TMEM91: variants seen among roughly 807,000 people sequenced by gnomAD.
The protein encoded by TMEM91 is dispanin subfamily C member 3.
Under a neutral mutation model 13.3 loss-of-function variants are expected in TMEM91, and 6 were observed. The observed-to-expected ratio is 0.45, with a 90% CI of 0.25 to 0.89. The LOEUF is 0.89. Among genes scored for constraint, TMEM91 ranks in the 40% least tolerant of loss-of-function variants. TMEM91 has a pLI of 0.19. For synonymous variants in TMEM91, 87 were observed against 101.7 expected (o/e 0.86, Z 0.87); for missense variants, 193 against 228.7 (o/e 0.84, Z 1.01).
chr19:41,376,674 G>A lies in TMEM91; in HGVS notation c.-210G>A, dbSNP rs894172119. ...GGATCCCTCGCCGGACGCCGCGGAG[G>A]GACAGAGCCTGGGAAGCCGTCGCCC... On this transcript the variant is annotated 5_prime_UTR_variant, in exon 1 of 4. Coordinates refer to ENST00000392002, the MANE Select transcript of TMEM91 (RefSeq NM_001098821.2). 6.6e-6 allele frequency: 1 copy of A among 152,212 alleles called. No homozygotes were observed. Among genetic ancestry groups the A allele is most frequent in the African/African-American group, 2.4e-5 (1 of 41,448 alleles). The allele number at this position is 152,212 out of a possible 1,614,324, so 9.4% of individuals were successfully genotyped here.
At chr19:41,365,707 G>GTTTTT (rs3061204) in intron 1 of TMEM91, among the ~76,000 whole-genome samples, 1 of 69,664 alleles carries the variant, frequency 1.4e-5, no homozygotes, top group Non-Finnish European at 2.6e-5. Flanking sequence ...GACCGGCCGG[G>GTTTTT]TTTTTTTTTT....
At chr19:41,383,236 T>C (rs967955387) in intron 3 of TMEM91, 14 of 416,074 alleles carry the variant, frequency 3.4e-5, no homozygotes, top group Non-Finnish European at 4.6e-5. Flanking sequence ...GAATTTTTAA[T>C]AAAGACGGGG....
chr19:41,364,839 C>G (rs542158346), intron 1 of TMEM91, among the ~76,000 whole-genome samples: 2 of 151,918 alleles, frequency 1.3e-5, no homozygotes, highest in South Asian at 4.2e-4. Context: ...GGATGCCATC[C>G]TAGATGCCAT....
Position 41,378,406 on chromosome 19 carries a change from T to C in TMEM91, c.97T>C (p.Ser33Pro), listed in dbSNP as rs1374888927. Residue 33 changes from serine (S) to proline (P), a missense_variant, in exon 2 of 4, where the codon TCC (serine) becomes CCC (proline). By Grantham distance (74) the Ser-to-Pro change is moderately conservative. Coordinates refer to ENST00000392002, the MANE Select transcript of TMEM91 (RefSeq NM_001098821.2). Reference protein sequence around the residue: ...AQKPGRHELGSPLREIAFAES... With the variant: ...AQKPGRHELGPPLREIAFAES... Reference sequence around the variant, plus strand: ...GAAGCCTGGCAGGCATGAGCTGGGGTCCCCCTTAAGAGAGATAGCCTTTGC... The same window carrying C: ...GAAGCCTGGCAGGCATGAGCTGGGGCCCCCCTTAAGAGAGATAGCCTTTGC... 1 of 1,614,008 alleles carries C rather than the reference T, an allele frequency of 6.2e-7. No individual in the cohort carries two copies. Among genetic ancestry groups the C allele is most frequent in the Non-Finnish European group, 8.5e-7 (1 of 1,179,992 alleles).
At chr19:41,365,991 A>T (rs1258841969) in intron 1 of TMEM91, among the ~76,000 whole-genome samples, 1 of 150,748 alleles carries the variant, frequency 6.6e-6, no homozygotes, top group Non-Finnish European at 1.5e-5. Flanking sequence ...GATTACAGGC[A>T]TGAGCCACCT....
upstream of TMEM91, among the ~76,000 whole-genome samples, chr19:41,373,526 A>G (rs1157228252): frequency 1.3e-5 from 2 of 148,542 alleles, no homozygotes; most frequent in African/African-American, 5.0e-5. Context: ...ACGAGATCAA[A>G]TCTCAGCCCT....
intron 1 of TMEM91, among the ~76,000 whole-genome samples, chr19:41,367,402 G>A (rs2038545394): frequency 6.6e-6 from 1 of 152,122 alleles, no homozygotes. Context: ...GGAGGTTGAG[G>A]CGGGCAAATC....
At chr19:41,381,948 C>T (rs2038897695) in intron 2 of TMEM91, among the ~76,000 whole-genome samples, 1 of 152,110 alleles carries the variant, frequency 6.6e-6, no homozygotes, top group Non-Finnish European at 1.5e-5. Flanking sequence ...TCACTGCAAC[C>T]TCCACATCCT....
In TMEM91 at chr19:41,377,939, G is replaced by A. The variant is rs1403838518; in HGVS notation, c.-29-342G>A. Among the ~76,000 whole-genome samples, 12 of 151,466 alleles carry A rather than the reference G, an allele frequency of 7.9e-5. 1 individual carries two copies. The highest frequency in any genetic ancestry group is 6.8e-3 in the Middle Eastern group (2 of 294). ...GGCTGAGGCAGAATGGTTTGAACCC[G>A]GGAGGTGGAGGCTGCAGTGTGCTGA... On this transcript the variant is annotated intron_variant, in intron 1 of 3. Coordinates refer to ENST00000392002, the MANE Select transcript of TMEM91 (RefSeq NM_001098821.2).
At chr19:41,382,688 T>C (rs376494703) in intron 2 of TMEM91, 84 bp from the exon 3 acceptor site, 3 of 1,520,226 alleles carry the variant, frequency 2.0e-6, no homozygotes, top group Non-Finnish European at 2.7e-6. Context: ...GGGCAGGTAT[T>C]GGCCTTTGAG....
chr19:41,383,154 A>G, intron 3 of TMEM91: 1 of 566,754 alleles, frequency 1.8e-6, no homozygotes, highest in East Asian at 3.1e-5. Context: ...CTTGGGTTCA[A>G]GTGATTCTCC....
At chr19:41,377,908 T>G (rs1238358969) in intron 1 of TMEM91, among the ~76,000 whole-genome samples, 1 of 151,346 alleles carries the variant, frequency 6.6e-6, no homozygotes, top group East Asian at 1.9e-4. Flanking sequence ...TCCCAGCTAC[T>G]CGGGAGGCTG....
At chr19:41,378,794 C>T (rs889953245) in intron 2 of TMEM91, among the ~76,000 whole-genome samples, 3 of 150,196 alleles carry the variant, frequency 2.0e-5, no homozygotes, top group Admixed American at 1.3e-4. Context: ...TTTTGTCCAC[C>T]CTGCTGTCTC....
At chr19:41,373,218 G>A (rs1395270202), upstream of TMEM91, among the ~76,000 whole-genome samples, 1 of 152,124 alleles carries the variant, frequency 6.6e-6, no homozygotes, top group Non-Finnish European at 1.5e-5. Flanking sequence ...GGGATTACAG[G>A]CTTGAGCCAC....
At chr19:41,370,153 A>C (rs747751448) in intron 1 of TMEM91, among the ~76,000 whole-genome samples, 3 of 151,450 alleles carry the variant, frequency 2.0e-5, no homozygotes, top group Admixed American at 2.0e-4. Context: ...TCTCAGCTCA[A>C]CGCAACCTCT....
chr19:41,383,253 C>T (rs1255540259), intron 3 of TMEM91: 11 of 387,950 alleles, frequency 2.8e-5, no homozygotes, highest in Non-Finnish European at 4.0e-5. Context: ...GGGGTTTCAC[C>T]ACGTTGGCCA....
In TMEM91 at chr19:41,365,680, C is replaced by T. The variant is rs1355990674; in HGVS notation, c.-30+1585C>T. 1.8e-4 allele frequency among the ~76,000 whole-genome samples: 27 copies of T among 146,680 alleles called. No homozygotes were observed. In the Admixed American group the frequency reaches 1.9e-3, roughly 10 times the overall value. On this transcript the variant is annotated intron_variant, in intron 1 of 3. Transcript: ENST00000413014. ...TCAGCCTCCCAAAGTGCTGGGATTA[C>T]AGGCGTTAGCCACCGTGACCGGCCG... is the stretch of plus-strand genomic sequence containing the variant.
At chr19:41,372,340 C>G (rs1157697003), upstream of TMEM91, among the ~76,000 whole-genome samples, 1 of 151,476 alleles carries the variant, frequency 6.6e-6, no homozygotes, top group Non-Finnish European at 1.5e-5. Flanking sequence ...AGTGAGACTT[C>G]CTTTAAAAAA....
chr19:41,381,990 TA>T (rs981317607), intron 2 of TMEM91, among the ~76,000 whole-genome samples: 3 of 151,924 alleles, frequency 2.0e-5, no homozygotes, highest in Admixed American at 2.0e-4. Flanking sequence ...CTCAACCTCC[TA>T]AGTAGCTGGG....
Sources: allele counts gnomAD v4.1 joint callset (sites outside exome capture counted in the v4.1 genomes callset), GRCh38; gene constraint gnomAD v4.1.1; transcripts MANE v1.5; gene names NCBI Gene and HGNC (gene_info 2026-07-23, HGNC 2026-07-21).